The following OTUD4 variants were observed in gnomAD, a reference collection of about 807,000 sequenced individuals.
OTUD4 encodes the protein OTU deubiquitinase 4, also known as OTU domain-containing protein 4.
OTUD4 carries 24 observed loss-of-function variants against 130.4 expected under a neutral mutation model. The ratio of observed to expected loss-of-function variants is 0.18; its 90% CI spans 0.13 to 0.26. The LOEUF is 0.26. Among genes scored for constraint, OTUD4 ranks in the 10% least tolerant of loss-of-function variants. The pLI, the probability that OTUD4 is intolerant of heterozygous loss-of-function variation, is 1.00. For missense variants in OTUD4, 1,031 were observed against 1,329.4 expected (o/e 0.78, Z 3.49); for synonymous variants, 420 against 472.5 (o/e 0.89, Z 1.44).
intron 6 of OTUD4, 66 bp from the exon 7 acceptor site, chr4:145,159,701 A>C: frequency 6.9e-7 from 1 of 1,457,706 alleles, no homozygotes; most frequent in South Asian, 1.2e-5. Context: ...ACAGGAACAG[A>C]CCATCACATT....
chr4:145,145,174 T>G (rs1750758011), intron 14 of OTUD4, among the ~76,000 whole-genome samples: 1 of 152,182 alleles, frequency 6.6e-6, no homozygotes, highest in African/African-American at 2.4e-5. Flanking sequence ...AGTTGTACAT[T>G]TACAATTCAC....
Position 145,150,635 on chromosome 4 carries a change from A to C in OTUD4, c.1137T>G (p.Pro379=). The C allele has an allele frequency of 4.3e-6, 7 of 1,613,132 alleles. No individual in the cohort carries two copies. The highest frequency in any genetic ancestry group is 5.9e-6 in the Non-Finnish European group (7 of 1,179,150). The change falls in exon 13 of 21, where the codon CCT becomes CCG. Residue 379 remains proline, a synonymous_variant. Coordinates refer to ENST00000447906, the MANE Select transcript of OTUD4 (RefSeq NM_001366057.1). ...KPIKAPSALP[P]RLQHPSGVRQ... is the part of the protein sequence containing the mutation. ...TTACTCCTGAAGGATGCTGCAGTCG[A>C]GGAGGTAGTGCTGATGGGGCTTTTA... is the stretch of plus-strand genomic sequence containing the variant.
intron 2 of OTUD4, among the ~76,000 whole-genome samples, chr4:145,172,210 C>T (rs1752204860): frequency 6.6e-6 from 1 of 152,226 alleles, no homozygotes; most frequent in African/African-American, 2.4e-5. Context: ...TTCAAGGCCA[C>T]TTCAGGTGAC....
At chr4:145,160,979 G>A (rs778359334) in intron 6 of OTUD4, among the ~76,000 whole-genome samples, 45 of 151,972 alleles carry the variant, frequency 3.0e-4, no homozygotes, top group Non-Finnish European at 5.3e-4. Context: ...ACTTGGTGGC[G>A]GGCATCTGTA....
At chr4:145,163,249 AT>A in intron 5 of OTUD4, among the ~76,000 whole-genome samples, 1 of 152,364 alleles carries the variant, frequency 6.6e-6, no homozygotes, top group Non-Finnish European at 1.5e-5. Flanking sequence ...TAACAGTAGT[AT>A]TTCACTCAAT....
rs1750372435 is a variant in OTUD4, at chr4:145,138,080, G to A, written c.2695C>T (p.Leu899=). The A allele has an allele frequency of 6.2e-7, 1 of 1,614,008 alleles. No individual in the cohort carries two copies. Among genetic ancestry groups the A allele is most frequent in the Non-Finnish European group, 8.5e-7 (1 of 1,179,994 alleles). Residue 899 remains leucine (L), a synonymous_variant, in exon 21 of 21, where the codon CTG becomes TTG. Transcript: ENST00000447906. ...GAAACTGAACCACAATCTTTAGACA[G>A]ATCCAGATTTTCCAGAGACAGATCC... is the stretch of plus-strand genomic sequence containing the variant. ...ELDLSLENLD[L]SKDCGSVSTV...
At chr4:145,146,509 A>G in intron 13 of OTUD4, 80 bp from the exon 14 acceptor site, 3 of 953,110 alleles carry the variant, frequency 3.1e-6, no homozygotes, top group Non-Finnish European at 4.4e-6. Flanking sequence ...GTCAAAAAAA[A>G]AAAACACAAA....
In OTUD4 at chr4:145,179,911, G is replaced by C. The variant is rs1003021243; in HGVS notation, c.63C>G (p.Asp21Glu). ...GCAGATAGGCGTCCATGGGCGTCGC[G>C]TCCTCGCGGGGCCCCGCGCCGCCCT... ...GDQGGAGPRE[D>E]ATPMDAYLRK... is the part of the protein sequence containing the mutation. Residue 21 changes from aspartate (D) to glutamate (E), a missense_variant, in exon 1 of 21, where the codon GAC (aspartate) becomes GAG (glutamate). Physicochemically the swap from Asp to Glu is conservative, Grantham distance 45. Transcript: ENST00000447906. 2.6e-6 allele frequency: 4 copies of C among 1,528,304 alleles called. No homozygotes were observed. Among genetic ancestry groups the C allele is most frequent in the Non-Finnish European group, 3.5e-6 (4 of 1,144,154 alleles). The allele number at this position is 1,528,304 out of a possible 1,614,324, so 94.7% of individuals were successfully genotyped here.
At chr4:145,166,457 G>A (rs1272813796) in intron 3 of OTUD4, among the ~76,000 whole-genome samples, 1 of 151,614 alleles carries the variant, frequency 6.6e-6, no homozygotes, top group African/African-American at 2.4e-5. Context: ...CTACAAAAGT[G>A]TATGTAAAAT....
Position 145,141,625 on chromosome 4 carries a change from T to C in OTUD4, c.1837A>G (p.Ile613Val). The C allele has an allele frequency of 1.9e-6, 3 of 1,540,094 alleles. No homozygotes were observed. The highest frequency in any genetic ancestry group is 2.6e-6 in the Non-Finnish European group (3 of 1,144,054). ...GTCTGTGTCACTGACAAAACGGGAA[T>C]TGGAGCAGGGACACCTACAAAAGAG... ...TFGPTGVPAP[I>V]PVLSVTQTLT... Residue 613 changes from isoleucine (I) to valine (V), a missense_variant, in exon 19 of 21, where the codon ATT becomes GTT. Coordinates refer to ENST00000447906, the MANE Select transcript of OTUD4 (RefSeq NM_001366057.1).
chr4:145,146,033 CA>C, intron 14 of OTUD4: 1 of 310,856 alleles, frequency 3.2e-6, no homozygotes, highest in Non-Finnish European at 5.8e-6. Context: ...TACAAGTGAA[CA>C]AACCAGTTTA....
intron 10 of OTUD4, among the ~76,000 whole-genome samples, chr4:145,153,569 C>G (rs964352898): frequency 5.9e-5 from 9 of 152,194 alleles, no homozygotes; most frequent in Admixed American, 5.9e-4. Context: ...AAATGTGCAA[C>G]TGTGATTTTT....
At chr4:145,140,543 T>C (rs1750509044) in intron 19 of OTUD4, among the ~76,000 whole-genome samples, 1 of 152,076 alleles carries the variant, frequency 6.6e-6, no homozygotes, top group African/African-American at 2.4e-5. Context: ...AGATATAAAA[T>C]TTTGGAAACT....
chr4:145,146,292 T>A lies in OTUD4; in HGVS notation c.1397A>T (p.Asp466Val). 1 of 1,572,594 alleles carries A rather than the reference T, an allele frequency of 6.4e-7. No homozygotes were observed. The highest frequency in any genetic ancestry group is 8.6e-7 in the Non-Finnish European group (1 of 1,164,116). The change falls in exon 14 of 21, where the codon GAT becomes GTT. Residue 466 changes from aspartate to valine, a missense_variant. Asp to Val is a radical substitution (Grantham distance 152, BLOSUM62 -3). Coordinates refer to ENST00000447906, the MANE Select transcript of OTUD4 (RefSeq NM_001366057.1). The part of the protein sequence containing the change: ...SRLLYEIQNR[D>V]EQAFPALSSS... ...GGAAAGGGCTGGGAAAGCCTGTTCA[T>A]CTCTGTTCTGAATCTCATAGAGTAA...
In OTUD4 at chr4:145,155,432, A is replaced by G. The variant is rs748843973; in HGVS notation, c.852T>C (p.Tyr284=). 6.2e-7 allele frequency: 1 copy of G among 1,611,276 alleles called. No individual in the cohort carries two copies. The highest frequency in any genetic ancestry group is 8.5e-7 in the Non-Finnish European group (1 of 1,179,166). Residue 284 remains tyrosine (Y), a synonymous_variant, in exon 10 of 21, where the codon TAT becomes TAC. Coordinates refer to ENST00000447906, the MANE Select transcript of OTUD4 (RefSeq NM_001366057.1). ...TTACTTGACATTTGTCTCCAACTTC[A>G]TATTGTAAGCCAGCAGCAATGGAAT... ...RDYSIAAGLQ[Y]EVGDKCQVRL...
At chr4:145,166,177 A>C (rs1173056570) in intron 3 of OTUD4, among the ~76,000 whole-genome samples, 1 of 152,066 alleles carries the variant, frequency 6.6e-6, no homozygotes, top group Non-Finnish European at 1.5e-5. Context: ...AAAAAAAAGA[A>C]AGAAAGAAAT....
At chr4:145,176,782 A>AG (rs1440979176) in intron 1 of OTUD4, among the ~76,000 whole-genome samples, 1 of 152,172 alleles carries the variant, frequency 6.6e-6, no homozygotes, top group Non-Finnish European at 1.5e-5. Flanking sequence ...GGGAGGCTCC[A>AG]GCTGTGCATT....
At chr4:145,170,752 T>C (rs925337301) in intron 3 of OTUD4, 6 of 152,232 alleles carry the variant, frequency 3.9e-5, no homozygotes, top group African/African-American at 1.4e-4. Context: ...TACATTCCCT[T>C]TACTCCTTAA....
Position 145,138,649 on chromosome 4 carries a change from G to A in OTUD4, c.2126C>T (p.Ala709Val). The A allele has an allele frequency of 6.3e-7, 1 of 1,587,256 alleles. No individual in the cohort carries two copies. Among genetic ancestry groups the A allele is most frequent in the Non-Finnish European group, 8.5e-7 (1 of 1,171,254 alleles). The change falls in exon 21 of 21, where the codon GCA becomes GTA. Residue 709 changes from alanine to valine, a missense_variant and splice_region_variant. By Grantham distance (64) the Ala-to-Val change is moderately conservative. Coordinates refer to ENST00000447906, the MANE Select transcript of OTUD4 (RefSeq NM_001366057.1). ...LRFFFNLGVK[A>V]YSCPMWAPHS... is the part of the protein sequence containing the mutation. ...TGGGGCCCACATAGGACAACTGTATGCCTGAAGAGACAAAAAACAGTTAAA... is the reference window on the plus strand; with the variant it reads ...TGGGGCCCACATAGGACAACTGTATACCTGAAGAGACAAAAAACAGTTAAA...
Sources: gnomAD v4.1 joint callset for allele counts (sites outside exome capture counted in the v4.1 genomes callset) on GRCh38, gnomAD v4.1.1 for gene constraint, MANE v1.5 for transcripts, NCBI Gene and HGNC (gene_info 2026-07-23, HGNC 2026-07-21) for gene names.